The following HNF1A variants were observed in gnomAD, a reference collection of about 807,000 sequenced individuals.
HNF1A encodes hepatocyte nuclear factor 1-alpha.
Under a neutral mutation model 62.2 loss-of-function variants are expected in HNF1A, and 21 were observed. The ratio of observed to expected loss-of-function variants is 0.34; its 90% confidence interval spans 0.24 to 0.49. The LOEUF is 0.49. HNF1A is among the 20% of genes least tolerant of loss of function. The probability of loss-of-function intolerance (pLI) is 0.99; values close to 1 mark genes in which losing one functional copy is unlikely to be tolerated. For synonymous variants in HNF1A, 374 were observed against 366.8 expected (o/e 1.02, Z -0.22); for missense variants, 687 against 832.3 (o/e 0.83, Z 2.15).
rs145589373 is a variant in HNF1A at position 120,997,589 on chromosome 12, G to A, written c.1425G>A (p.Pro475=). The change falls in exon 7 of 10, where the codon CCG becomes CCA. Residue 475 remains proline (P), a synonymous_variant. Coordinates refer to ENST00000257555, the MANE Select transcript of HNF1A (RefSeq NM_000545.8). ...SQPLHPSYQQ[P]LMPPVQSHVT... ...CGCTGCACCCCTCCTACCAGCAGCC[G>A]CTCATGCCACCTGTGCAGAGCCATG... The A allele has an allele frequency of 3.7e-4, 605 of 1,613,768 alleles. 4 individuals carry two copies. The African/African-American group carries it at 7.0e-3, about 19-fold the overall frequency.
intron 7 of HNF1A, among the ~76,000 whole-genome samples, chr12:120,998,464 C>A (rs1259749776): frequency 6.6e-6 from 1 of 152,104 alleles, no homozygotes; most frequent in African/African-American, 2.4e-5. Flanking sequence ...CTGGGTTTCG[C>A]CACCAAATGA....
chr12:120,990,390 A>G (rs1876761589), intron 2 of HNF1A, among the ~76,000 whole-genome samples: 1 of 152,124 alleles, frequency 6.6e-6, no homozygotes, highest in African/African-American at 2.4e-5. Context: ...TGGCCTCCCA[A>G]AGCGCTGGGA....
In HNF1A at chr12:120,999,518, C is replaced by G. The variant is rs780892177; in HGVS notation, c.1659C>G (p.Ser553=). 2 of 1,613,424 alleles carry G rather than the reference C, an allele frequency of 1.2e-6. No individual in the cohort carries two copies. Among genetic ancestry groups the G allele is most frequent in the Non-Finnish European group, 1.7e-6 (2 of 1,179,920 alleles). Residue 553 remains serine (S), a synonymous_variant, in exon 9 of 10, where the codon TCC becomes TCG. Coordinates refer to ENST00000257555, the MANE Select transcript of HNF1A (RefSeq NM_000545.8). ...CAGACACTGAGGCCTCCAGTGAGTC[C>G]GGGCTTCACACGCCGGCATCTCAGG... is the stretch of plus-strand genomic sequence containing the variant. The part of the protein sequence containing the change: ...FTSDTEASSE[S]GLHTPASQAT...
In HNF1A at chr12:120,996,655, C is replaced by A. The variant is rs766320269; in HGVS notation, c.1222C>A (p.Leu408Ile). The A allele has an allele frequency of 1.9e-6, 3 of 1,614,158 alleles. No individual in the cohort carries two copies. Among genetic ancestry groups the A allele is most frequent in the Admixed American group, 1.7e-5 (1 of 60,022 alleles). ...QQPQNLIMAS[L>I]PGVMTIGPGE... The stretch of plus-strand genomic sequence containing the variant: ...GCCCCAGAACCTCATCATGGCCTCA[C>A]TTCCTGGGGTCATGACCATCGGGCC... Residue 408 changes from leucine (L) to isoleucine (I), a missense_variant, in exon 6 of 10, where the codon CTT becomes ATT. By Grantham distance (5) the Leu-to-Ile change is conservative. This residue lies in a region of HNF1A where 408 missense variants were observed against 455.3 expected (regional missense o/e 0.90). Transcript: ENST00000257555. This position sits in a 1 kb window ranked among gnomAD's most constrained non-coding sequence, Gnocchi z 4.5.
At chr12:120,986,466 G>A (rs922012090) in intron 1 of HNF1A, among the ~76,000 whole-genome samples, 4 of 152,230 alleles carry the variant, frequency 2.6e-5, no homozygotes, top group African/African-American at 9.6e-5. Context: ...GAAGCGAATT[G>A]CTCAGCGAGG....
chr12:120,985,748 G>C (rs1252935794), intron 1 of HNF1A, among the ~76,000 whole-genome samples: 7 of 151,954 alleles, frequency 4.6e-5, no homozygotes, highest in Non-Finnish European at 8.8e-5. Flanking sequence ...ACTTTGGGAG[G>C]CCAAGGCAGA....
rs758014071 is a variant in HNF1A, at chr12:120,993,048, T to C, written c.527-472T>C. On this transcript the variant is annotated intron_variant, in intron 2 of 9. Transcript: ENST00000257555. Reference sequence around the variant, plus strand: ...CTGGGTCTCTTCCTCTAGCTAACATTTGCATTTTAAGCCTGATTTTCAAGT... The same window carrying C: ...CTGGGTCTCTTCCTCTAGCTAACATCTGCATTTTAAGCCTGATTTTCAAGT... Among the ~76,000 whole-genome samples the C allele has an allele frequency of 3.9e-5, 6 of 152,178 alleles. No homozygotes were observed. The East Asian group carries it at 9.6e-4, about 24-fold the overall frequency.
chr12:120,986,371 T>C (rs1876510082), intron 1 of HNF1A, among the ~76,000 whole-genome samples: 2 of 152,194 alleles, frequency 1.3e-5, no homozygotes, highest in African/African-American at 4.8e-5. Flanking sequence ...TTCCAATCTT[T>C]TGCTATGGCA....
intron 1 of HNF1A, among the ~76,000 whole-genome samples, chr12:120,988,524 T>TAAAC (rs1876646952): frequency 1.3e-5 from 2 of 152,354 alleles, no homozygotes; most frequent in East Asian, 3.9e-4. Context: ...GTTGTGTGTC[T>TAAAC]GTGTATCCAT....
chr12:120,996,756 G>A lies in HNF1A; in HGVS notation c.1309+14G>A, dbSNP rs763076448. The A allele has an allele frequency of 5.0e-6, 8 of 1,613,764 alleles. No individual in the cohort carries two copies. The South Asian group carries it at 7.7e-5, about 16-fold the overall frequency. ...CCCTGGTCATCGGTAAGCTGGTGGG[G>A]ATGGGTGGGCACCTGGGTGGGAGGC... On this transcript the variant is annotated intron_variant, in intron 6 of 9. Transcript: ENST00000257555. The surrounding 1 kb of genome is among the most constrained non-coding windows in gnomAD (Gnocchi z 4.5).
At position 121,001,359 on chromosome 12, in the gene HNF1A, A is replaced by G; in HGVS notation, c.*167A>G. ...GATGCATCAGAAAGGGAGGGCTCTG[A>G]GGCGCCCCAACCCGTGGAGGCTGCT... On this transcript the variant is annotated 3_prime_UTR_variant, in exon 10 of 10. Coordinates refer to ENST00000257555, the MANE Select transcript of HNF1A (RefSeq NM_000545.8). 1 of 863,316 alleles carries G rather than the reference A, an allele frequency of 1.2e-6. No individual in the cohort carries two copies. The highest frequency in any genetic ancestry group is 1.7e-5 in the South Asian group (1 of 60,384). The allele number at this position is 863,316 out of a possible 1,614,324, so 53.5% of individuals were successfully genotyped here. A position where few individuals can be genotyped will look rare whatever the true frequency, so the allele number is the denominator to read the frequency against.
chr12:120,998,674 T>A (rs1877244031), intron 7 of HNF1A, among the ~76,000 whole-genome samples: 1 of 152,098 alleles, frequency 6.6e-6, no homozygotes, highest in African/African-American at 2.4e-5. Context: ...GTGTCTCTTG[T>A]AGGGTCTATG....
At position 120,999,408 on chromosome 12, in the gene HNF1A, GGC is replaced by G; in HGVS notation, c.1623+20_1623+21del. On this transcript the variant is annotated intron_variant, in intron 8 of 9. Transcript: ENST00000257555. ...CAAGCAGGTAAGGTCCAGGCCTGCTGGCCCTCCCTTGGCCTGTGACAGAGCCC... is the reference window on the plus strand; with the variant it reads ...CAAGCAGGTAAGGTCCAGGCCTGCTGCCTCCCTTGGCCTGTGACAGAGCCC... 6.2e-7 allele frequency: 1 copy of G among 1,613,784 alleles called. No homozygotes were observed. Among genetic ancestry groups the G allele is most frequent in the East Asian group, 2.2e-5 (1 of 44,870 alleles).
Position 120,996,229 on chromosome 12 carries a change from G to A in HNF1A, c.956-33G>A, listed in dbSNP as rs749065496. ...GAGGCAGGGGAGGGCAGGGAAGTGG[G>A]GTGCTGAGGCAGGACACTGCTTCCC... is the stretch of plus-strand genomic sequence containing the variant. On this transcript the variant is annotated intron_variant, in intron 4 of 9. Transcript: ENST00000257555. This position sits in a 1 kb window ranked among gnomAD's most constrained non-coding sequence, Gnocchi z 4.5. 2.5e-6 allele frequency: 4 copies of A among 1,612,856 alleles called. No individual in the cohort carries two copies. The highest frequency in any genetic ancestry group is 3.4e-6 in the Non-Finnish European group (4 of 1,179,746).
rs56224955 is a variant in HNF1A, at chr12:120,989,085, C to G, written c.526+53C>G. 2.2e-3 allele frequency: 3,427 copies of G among 1,553,938 alleles called. 60 individuals carry two copies. The African/African-American group carries it at 0.042, about 19-fold the overall frequency. ...CCCTGGGAGGGCCCAGGACTCTCCC[C>G]TAACTCATAGGTGGGGGCTGGAAGC... On this transcript the variant is annotated intron_variant, in intron 2 of 9. Transcript: ENST00000257555.
intron 1 of HNF1A, 134 bp downstream of exon 1, chr12:120,979,228 GC>G: frequency 1.2e-6 from 1 of 804,606 alleles, no homozygotes; most frequent in Non-Finnish European, 2.1e-6. Flanking sequence ...GGGGGACAGG[GC>G]CCATGAGAGC....
intron 9 of HNF1A, 68 bp from the exon 10 acceptor site, chr12:121,000,997 T>A: frequency 6.2e-7 from 1 of 1,603,406 alleles, no homozygotes; most frequent in Non-Finnish European, 8.5e-7. Flanking sequence ...TGAGTACCCC[T>A]AGGGACAGGC....
chr12:120,986,521 A>G (rs1876516221), intron 1 of HNF1A, among the ~76,000 whole-genome samples: 1 of 152,176 alleles, frequency 6.6e-6, no homozygotes. Flanking sequence ...CCAAGTTCAA[A>G]TCCCAGTCTG....
At chr12:120,999,166 C>T (rs1877282156) in intron 7 of HNF1A, 102 bp from the exon 8 acceptor site, 1 of 1,408,794 alleles carries the variant, frequency 7.1e-7, no homozygotes, top group Non-Finnish European at 1.0e-6. Context: ...CCCAGTCTGG[C>T]TGTTCAGCAG....
Sources: gnomAD v4.1 joint callset for allele counts (sites outside exome capture counted in the v4.1 genomes callset) on GRCh38, gnomAD v4.1.1 for gene constraint, gnomAD v4.1.1 regional missense constraint, Gnocchi (gnomAD v3.1) non-coding constraint, MANE v1.5 for transcripts, NCBI Gene and HGNC (gene_info 2026-07-23, HGNC 2026-07-21) for gene names.